The following GRB2 variants were observed in gnomAD, a reference collection of about 807,000 sequenced individuals.
GRB2 encodes growth factor receptor bound protein 2, also known as growth factor receptor-bound protein 2.
In GRB2, 2 loss-of-function variants were observed where a neutral mutation model predicts 27.4. The ratio of observed to expected loss-of-function variants is 0.07; its 90% CI spans 0.03 to 0.23. The LOEUF is 0.23. GRB2 is among the 10% of genes least tolerant of loss of function. The probability of loss-of-function intolerance (pLI) is 1.00; values close to 1 mark genes in which losing one functional copy is unlikely to be tolerated. For missense variants in GRB2, 102 were observed against 282.4 expected (o/e 0.36, Z 4.58); for synonymous variants, 94 against 99.6 (o/e 0.94, Z 0.33).
At chr17:75,392,272 G>A (rs1414075302) in intron 2 of GRB2, among the ~76,000 whole-genome samples, 1 of 152,214 alleles carries the variant, frequency 6.6e-6, no homozygotes, top group Non-Finnish European at 1.5e-5. Flanking sequence ...TGTTGACTTT[G>A]AGAATACCCT....
At chr17:75,326,491 C>T (rs2078499589) in intron 3 of GRB2, among the ~76,000 whole-genome samples, 1 of 152,180 alleles carries the variant, frequency 6.6e-6, no homozygotes, top group Non-Finnish European at 1.5e-5. Context: ...CGGCCAGGAG[C>T]TGGAGGCAGG....
intron 2 of GRB2, among the ~76,000 whole-genome samples, chr17:75,346,364 C>T (rs569820256): frequency 8.6e-5 from 13 of 151,602 alleles, no homozygotes; most frequent in African/African-American, 1.7e-4. Context: ...GGCACGGTGG[C>T]GGGCGCCTGT....
At chr17:75,327,598 C>T (rs1348764339) in intron 3 of GRB2, among the ~76,000 whole-genome samples, 5 of 144,688 alleles carry the variant, frequency 3.5e-5, no homozygotes, top group African/African-American at 1.0e-4. Context: ...CTTGAACTCC[C>T]GACCTCGAGA....
intron 3 of GRB2, among the ~76,000 whole-genome samples, chr17:75,332,162 G>T (rs983704301): frequency 5.3e-5 from 8 of 152,060 alleles, no homozygotes; most frequent in African/African-American, 1.9e-4. Context: ...TCGTGACAAG[G>T]GTAGCTTCTG....
intron 1 of GRB2, chr17:75,394,281 G>A (rs949331777): frequency 1.3e-5 from 2 of 152,454 alleles, no homozygotes; most frequent in East Asian, 1.9e-4. Flanking sequence ...CTTTGGTCTC[G>A]AGCTGCTGCA....
intron 2 of GRB2, among the ~76,000 whole-genome samples, chr17:75,375,181 T>C (rs546774350): frequency 8.1e-4 from 123 of 152,098 alleles, no homozygotes; most frequent in Non-Finnish European, 1.5e-3. Context: ...GTGCTGGGAA[T>C]ACAGATGTGA....
intron 2 of GRB2, among the ~76,000 whole-genome samples, chr17:75,341,158 G>A (rs754808525): frequency 4.6e-5 from 7 of 152,114 alleles, no homozygotes; most frequent in Non-Finnish European, 1.0e-4. Flanking sequence ...CTGGCTGGGC[G>A]CAGTGCCTCA....
At chr17:75,390,680 G>C (rs1201644768) in intron 2 of GRB2, among the ~76,000 whole-genome samples, 2 of 152,140 alleles carry the variant, frequency 1.3e-5, no homozygotes, top group Non-Finnish European at 2.9e-5. Flanking sequence ...TCAATGTGTA[G>C]ACAGAAAGTA....
intron 2 of GRB2, among the ~76,000 whole-genome samples, chr17:75,370,095 G>C (rs2078846287): frequency 6.6e-6 from 1 of 152,232 alleles, no homozygotes; most frequent in African/African-American, 2.4e-5. Flanking sequence ...GCTAAAGCCA[G>C]GGCCCATGAG....
intron 2 of GRB2, among the ~76,000 whole-genome samples, chr17:75,342,789 G>T (rs1275608769): frequency 6.6e-6 from 1 of 152,138 alleles, no homozygotes; most frequent in African/African-American, 2.4e-5. Context: ...GCTCACGCCT[G>T]TAAAATTTCA....
intron 2 of GRB2, among the ~76,000 whole-genome samples, chr17:75,390,167 A>T (rs190874782): frequency 6.6e-6 from 1 of 152,246 alleles, no homozygotes; most frequent in African/African-American, 2.4e-5. Context: ...AAAGGTAGTT[A>T]GTGCCAGAGA....
intron 2 of GRB2, among the ~76,000 whole-genome samples, chr17:75,376,068 C>T (rs2078891405): frequency 6.9e-6 from 1 of 144,516 alleles, no homozygotes. Flanking sequence ...CCTGCATGAG[C>T]GCAGTGGCTC....
chr17:75,363,465 A>G (rs2078798582), intron 2 of GRB2, among the ~76,000 whole-genome samples: 3 of 152,186 alleles, frequency 2.0e-5, no homozygotes, highest in Admixed American at 2.0e-4. Context: ...CAGGAAACCA[A>G]AAGTACAACA....
chr17:75,378,346 G>A (rs537969917), intron 2 of GRB2, among the ~76,000 whole-genome samples: 181 of 152,038 alleles, frequency 1.2e-3, no homozygotes, highest in African/African-American at 3.9e-3. Context: ...TCTCGCCACC[G>A]CATTTCAGCC....
At chr17:75,326,125 G>C in intron 3 of GRB2, 105 bp from the exon 4 acceptor site, 1 of 1,329,294 alleles carries the variant, frequency 7.5e-7, no homozygotes. Flanking sequence ...AGAGGAAGGG[G>C]CCTCCCTCCT....
chr17:75,339,623 C>CT (rs71159491), intron 2 of GRB2, among the ~76,000 whole-genome samples: 282 of 130,036 alleles, frequency 2.2e-3, no homozygotes, highest in Middle Eastern at 7.4e-3. Flanking sequence ...TTCTTTCTTT[C>CT]TTTTTTTTTT....
At chr17:75,346,604 G>A (rs1225850687) in intron 2 of GRB2, among the ~76,000 whole-genome samples, 1 of 69,686 alleles carries the variant, frequency 1.4e-5, no homozygotes, top group Admixed American at 2.1e-4. Flanking sequence ...TTTTTTTTGA[G>A]ACAGAGTCAC....
At chr17:75,335,043 A>G (rs937170348) in intron 2 of GRB2, among the ~76,000 whole-genome samples, 1 of 151,924 alleles carries the variant, frequency 6.6e-6, no homozygotes, top group Non-Finnish European at 1.5e-5. Context: ...GCGCTCAAGT[A>G]TCCTCCTGCC....
chr17:75,387,223 C>T, intron 2 of GRB2, among the ~76,000 whole-genome samples: 1 of 151,748 alleles, frequency 6.6e-6, no homozygotes, highest in Middle Eastern at 3.2e-3. Context: ...TAATCCTAGC[C>T]AAGGTGGGTA....
Sources: gnomAD v4.1 joint callset for allele counts (sites outside exome capture counted in the v4.1 genomes callset) on GRCh38, gnomAD v4.1.1 for gene constraint, MANE v1.5 for transcripts, NCBI Gene and HGNC (gene_info 2026-07-23, HGNC 2026-07-21) for gene names.